Variants in PALM2AKAP2 observed in about 807,000 individuals in gnomAD.
PALM2AKAP2 encodes the protein PALM2 and AKAP2 fusion.
A neutral mutation model predicts 71.5 loss-of-function variants in PALM2AKAP2; 37 were observed. The ratio of observed to expected loss-of-function variants is 0.52; its 90% CI spans 0.40 to 0.68. PALM2AKAP2 has a LOEUF of 0.68. Ranked by LOEUF, PALM2AKAP2 falls within the 30% of genes least tolerant of loss-of-function variation. PALM2AKAP2 has a pLI of 0.00. For missense variants in PALM2AKAP2, 1,224 were observed against 1,191.8 expected, an observed-to-expected ratio of 1.03 and a Z score of -0.40; for synonymous variants, 468 against 478.8, an observed-to-expected ratio of 0.98 and a Z score of 0.29.
At chr9:110,028,342 A>G (rs1833217939) in intron 7 of PALM2AKAP2, among the ~76,000 whole-genome samples, 1 of 152,236 alleles carries the variant, frequency 6.6e-6, no homozygotes, top group African/African-American at 2.4e-5. Flanking sequence ...GCAAGTGAAT[A>G]ATCTCAGGTA....
chr9:110,024,799 A>G (rs1469515807), intron 7 of PALM2AKAP2: 19 of 643,860 alleles, frequency 3.0e-5, no homozygotes, highest in South Asian at 1.0e-4. Flanking sequence ...AAAAAAAAAA[A>G]GATATGCCAG....
Position 109,854,763 on chromosome 9 carries a change from CTTTTTTT to C in PALM2AKAP2, c.46-12707_46-12701del, listed in dbSNP as rs34401582. The stretch of plus-strand genomic sequence containing the variant: ...GTAGTCAGTTTTTAAAAGAATGTAT[CTTTTTTT>C]TTTTTTTTTTTTTTTTTTTTAGATG... On this transcript the variant is annotated intron_variant, in intron 1 of 9. Transcript: ENST00000302798. 1.1e-4 allele frequency among the ~76,000 whole-genome samples: 7 copies of C among 66,182 alleles called. No individual in the cohort carries two copies. The South Asian group carries it at 4.3e-3, about 41-fold the overall frequency. 43.4% of individuals were successfully genotyped at this position (66,182 alleles called of 152,430 possible). A position where few individuals can be genotyped will look rare whatever the true frequency, so the allele number is the denominator to read the frequency against.
chr9:109,678,008 C>G (rs1472879636), intron 1 of PALM2AKAP2, among the ~76,000 whole-genome samples: 1 of 152,152 alleles, frequency 6.6e-6, no homozygotes, highest in African/African-American at 2.4e-5. Flanking sequence ...CTGCAAATTG[C>G]CTCTAAGCTT....
At chr9:109,890,833 C>T (rs1186695151) in intron 3 of PALM2AKAP2, among the ~76,000 whole-genome samples, 2 of 152,186 alleles carry the variant, frequency 1.3e-5, no homozygotes, top group African/African-American at 4.8e-5. Context: ...TACCAGTGTG[C>T]TTCCTGCAGA....
At chr9:109,842,161 A>G (rs185265228) in intron 1 of PALM2AKAP2, among the ~76,000 whole-genome samples, 1 of 152,298 alleles carries the variant, frequency 6.6e-6, no homozygotes, top group East Asian at 1.9e-4. Context: ...GGTTGTTGTG[A>G]CAATTCAGAG....
At chr9:110,137,877 A>G in exon 2 of PALM2AKAP2, 1 of 1,614,148 alleles carries the variant, frequency 6.2e-7, no homozygotes, top group African/African-American at 1.3e-5. Context: ...TTTAGTGATC[A>G]TGGTTTCTAT....
At chr9:109,656,129 G>T (rs988447395) in intron 1 of PALM2AKAP2, among the ~76,000 whole-genome samples, 2 of 152,160 alleles carry the variant, frequency 1.3e-5, no homozygotes. Context: ...AGTATCTGAC[G>T]TTGGGGCAAA....
chr9:109,760,022 A>G (rs1431316065), intron 1 of PALM2AKAP2, among the ~76,000 whole-genome samples: 1 of 152,154 alleles, frequency 6.6e-6, no homozygotes, highest in Non-Finnish European at 1.5e-5. Context: ...TTCCGTCACC[A>G]CAGTGTTCTC....
At chr9:109,929,081 G>A (rs1831026740) in intron 5 of PALM2AKAP2, among the ~76,000 whole-genome samples, 1 of 152,074 alleles carries the variant, frequency 6.6e-6, no homozygotes, top group Non-Finnish European at 1.5e-5. Context: ...ATTCCCATCT[G>A]GCAGGGAGCT....
At chr9:110,090,423 C>A in intron 1 of PALM2AKAP2, 1 of 456,720 alleles carries the variant, frequency 2.2e-6, no homozygotes, top group Non-Finnish European at 4.4e-6. Flanking sequence ...CACGGTAGGT[C>A]TCAGTTACTT....
chr9:109,724,979 AAAAT>A (rs1828455486), intron 1 of PALM2AKAP2, among the ~76,000 whole-genome samples: 1 of 152,248 alleles, frequency 6.6e-6, no homozygotes, highest in South Asian at 2.1e-4. Context: ...ACACATCAAT[AAAAT>A]ATGAACACCT....
At chr9:109,881,657 C>G (rs1829854453) in intron 3 of PALM2AKAP2, among the ~76,000 whole-genome samples, 1 of 152,150 alleles carries the variant, frequency 6.6e-6, no homozygotes, top group Non-Finnish European at 1.5e-5. Flanking sequence ...TGGGCAATAA[C>G]TGGCCAGGCT....
intron 6 of PALM2AKAP2, among the ~76,000 whole-genome samples, chr9:109,984,300 T>G (rs138006111): frequency 2.0e-4 from 31 of 152,302 alleles, no homozygotes; most frequent in African/African-American, 7.5e-4. Flanking sequence ...TTTATTTCCA[T>G]AGAAAACTGA....
chr9:109,746,029 A>G (rs1405895397), intron 1 of PALM2AKAP2, among the ~76,000 whole-genome samples: 1 of 152,174 alleles, frequency 6.6e-6, no homozygotes, highest in Non-Finnish European at 1.5e-5. Context: ...AGTGTGCTGT[A>G]ATCTTTGCCA....
At chr9:109,942,595 C>T in intron 6 of PALM2AKAP2, 1 of 1,446,182 alleles carries the variant, frequency 6.9e-7, no homozygotes. Flanking sequence ...AGAAAGGGCA[C>T]AAAACCTTTT....
chr9:109,951,623 A>T (rs1831644018), intron 6 of PALM2AKAP2, among the ~76,000 whole-genome samples: 2 of 152,130 alleles, frequency 1.3e-5, no homozygotes, highest in African/African-American at 4.8e-5. Context: ...CTTCAGAATC[A>T]CCCGGGGGTA....
At chr9:109,928,937 G>T (rs1338184433) in intron 5 of PALM2AKAP2, among the ~76,000 whole-genome samples, 3 of 152,258 alleles carry the variant, frequency 2.0e-5, no homozygotes, top group Admixed American at 1.3e-4. Flanking sequence ...AAAGTGTTGG[G>T]TTTACAGGTG....
At chr9:110,040,207 A>G (rs1339263344) in intron 7 of PALM2AKAP2, among the ~76,000 whole-genome samples, 1 of 152,242 alleles carries the variant, frequency 6.6e-6, no homozygotes, top group African/African-American at 2.4e-5. Flanking sequence ...CCATGGTCCC[A>G]ATCCAACAGA....
intron 1 of PALM2AKAP2, among the ~76,000 whole-genome samples, chr9:110,120,071 T>A (rs1364920860): frequency 6.6e-6 from 1 of 152,262 alleles, no homozygotes; most frequent in Admixed American, 6.5e-5. Context: ...CAGGTTGTCA[T>A]GCAATTATGA....
Sources: gnomAD v4.1 joint callset for allele counts (sites outside exome capture counted in the v4.1 genomes callset) on GRCh38, gnomAD v4.1.1 for gene constraint, MANE v1.5 for transcripts, NCBI Gene and HGNC (gene_info 2026-07-23, HGNC 2026-07-21) for gene names.